Variants in BRINP1 observed in about 807,000 individuals in gnomAD.
The protein encoded by BRINP1 is BMP/retinoic acid inducible neural specific 1.
Under a neutral mutation model 72.9 loss-of-function variants are expected in BRINP1, and 17 were observed. That is an observed-to-expected ratio of 0.23 (90% CI 0.16 to 0.35). The LOEUF (loss-of-function observed/expected upper bound fraction) is 0.35, where lower values mean the gene tolerates loss of function less well. Ranked by LOEUF, BRINP1 falls within the 10% of genes least tolerant of loss-of-function variation. The probability of loss-of-function intolerance (pLI) is 1.00; values close to 1 mark genes in which losing one functional copy is unlikely to be tolerated. For missense variants in BRINP1, 850 were observed against 1,001.6 expected (o/e 0.85, Z 2.04); for synonymous variants, 418 against 378.5 (o/e 1.10, Z -1.21).
intron 7 of BRINP1, among the ~76,000 whole-genome samples, chr9:119,189,588 C>A (rs920244340): frequency 3.3e-5 from 5 of 151,930 alleles, no homozygotes; most frequent in Admixed American, 1.3e-4. Flanking sequence ...CATTGTATAA[C>A]AATAAAAGCA....
In BRINP1 at chr9:119,181,119, G is replaced by A. The variant is rs553911700; in HGVS notation, c.1146-12895C>T. ...GTGCTGAAGACAAGTGAAGGAAGGC[G>A]CCCGGAGCTTCTCAAGGGTGACAGA... On this transcript the variant is annotated intron_variant, in intron 7 of 7. Transcript: ENST00000265922. Among the ~76,000 whole-genome samples the A allele has an allele frequency of 4.6e-5, 7 of 152,152 alleles. No individual in the cohort carries two copies. The East Asian group carries it at 7.7e-4, about 17-fold the overall frequency.
At chr9:119,338,111 G>A (rs750239820) in intron 1 of BRINP1, among the ~76,000 whole-genome samples, 1 of 152,188 alleles carries the variant, frequency 6.6e-6, no homozygotes, top group Admixed American at 6.5e-5. Flanking sequence ...ATGATGCAGG[G>A]AGGAGTGTTG....
chr9:119,311,303 A>C (rs942465295), intron 2 of BRINP1, among the ~76,000 whole-genome samples: 1 of 152,200 alleles, frequency 6.6e-6, no homozygotes, highest in Non-Finnish European at 1.5e-5. Context: ...TTTAATTAAC[A>C]ATTTGACTTT....
intron 1 of BRINP1, among the ~76,000 whole-genome samples, chr9:119,328,650 C>T (rs1831263133): frequency 6.6e-6 from 1 of 152,134 alleles, no homozygotes; most frequent in African/African-American, 2.4e-5. Flanking sequence ...GAGCCATAGG[C>T]TGATAACGGA....
At chr9:119,222,243 A>G (rs531533939) in intron 5 of BRINP1, among the ~76,000 whole-genome samples, 22 of 152,242 alleles carry the variant, frequency 1.4e-4, no homozygotes, top group Admixed American at 3.3e-4. Context: ...ACTTTGGCAA[A>G]TCACTGAGAT....
At chr9:119,254,226 G>T (rs1830423255) in intron 2 of BRINP1, among the ~76,000 whole-genome samples, 1 of 152,114 alleles carries the variant, frequency 6.6e-6, no homozygotes, top group Non-Finnish European at 1.5e-5. Flanking sequence ...AGATAACAAA[G>T]AAACAAATAT....
At chr9:119,247,657 C>CAAA (rs3983912) in intron 3 of BRINP1, among the ~76,000 whole-genome samples, 2 of 73,010 alleles carry the variant, frequency 2.7e-5, no homozygotes, top group African/African-American at 1.1e-4. Context: ...GACTCCGTCT[C>CAAA]AAAAAAAAAA....
At chr9:119,231,401 T>C (rs1039563892) in intron 5 of BRINP1, among the ~76,000 whole-genome samples, 1 of 152,084 alleles carries the variant, frequency 6.6e-6, no homozygotes, top group Non-Finnish European at 1.5e-5. Flanking sequence ...CAGTATCAAT[T>C]TTTCCCTCTC....
intron 7 of BRINP1, among the ~76,000 whole-genome samples, chr9:119,181,597 T>G (rs1198650302): frequency 6.6e-6 from 1 of 152,200 alleles, no homozygotes; most frequent in East Asian, 1.9e-4. Flanking sequence ...TAACCATGAT[T>G]GTTACTGAGG....
chr9:119,348,165 T>C lies in BRINP1; in HGVS notation c.-51+20891A>G, dbSNP rs148029337. On this transcript the variant is annotated intron_variant, in intron 1 of 7. Coordinates refer to ENST00000265922, the MANE Select transcript of BRINP1 (RefSeq NM_014618.3). The stretch of plus-strand genomic sequence containing the variant: ...TCTCCCTTGATAACTACTGATCTTA[T>C]CAGTATCTCCATAGTTTTGCCTTTT... Among the ~76,000 whole-genome samples, 137 of 152,326 alleles carry C rather than the reference T, an allele frequency of 9.0e-4. 4 individuals are homozygous for C. In the East Asian group the frequency reaches 0.025, roughly 28 times the overall value.
At chr9:119,186,118 G>A (rs1187081506) in intron 7 of BRINP1, among the ~76,000 whole-genome samples, 2 of 152,098 alleles carry the variant, frequency 1.3e-5, no homozygotes, top group Non-Finnish European at 2.9e-5. Flanking sequence ...GGCACTGCCT[G>A]GGCTCAGATG....
At position 119,321,342 on chromosome 9, in the gene BRINP1, T is replaced by C. The variant is rs2416698; in HGVS notation, c.-50-7937A>G. On this transcript the variant is annotated intron_variant, in intron 1 of 7. Transcript: ENST00000265922. ...ACAGCAGATTTAGAACTGGAGACTG[T>C]GCTGCCCAGTTTGGAAGCCCCTGGT... 3.2e-3 allele frequency among the ~76,000 whole-genome samples: 494 copies of C among 152,322 alleles called. 8 individuals are homozygous for C. Among genetic ancestry groups the C allele is most frequent in the Admixed American group, 0.031 (471 of 15,304 alleles).
intron 1 of BRINP1, among the ~76,000 whole-genome samples, chr9:119,359,115 G>C (rs1050965717): frequency 6.6e-6 from 1 of 152,204 alleles, no homozygotes; most frequent in African/African-American, 2.4e-5. Flanking sequence ...ATATAGTGTT[G>C]ATGATCTGCC....
At chr9:119,288,868 T>C (rs990959222) in intron 2 of BRINP1, among the ~76,000 whole-genome samples, 3 of 152,212 alleles carry the variant, frequency 2.0e-5, no homozygotes, top group African/African-American at 7.2e-5. Context: ...CAATCTTGGC[T>C]CACTGCAACC....
intron 7 of BRINP1, among the ~76,000 whole-genome samples, chr9:119,170,606 G>A (rs1172652535): frequency 4.0e-5 from 6 of 150,044 alleles, no homozygotes; most frequent in South Asian, 2.1e-4. Context: ...GCAGGCCAAC[G>A]TTCAGATTCA....
intron 1 of BRINP1, among the ~76,000 whole-genome samples, chr9:119,365,665 T>C (rs1284789415): frequency 6.6e-6 from 1 of 152,108 alleles, no homozygotes; most frequent in Non-Finnish European, 1.5e-5. Context: ...TTGCAAGCAC[T>C]AAGAAAGAGA....
At chr9:119,244,872 C>T (rs1267689247) in intron 3 of BRINP1, among the ~76,000 whole-genome samples, 1 of 152,154 alleles carries the variant, frequency 6.6e-6, no homozygotes, top group Non-Finnish European at 1.5e-5. Flanking sequence ...ACTGCAGCAC[C>T]TTGTTTCAGA....
intron 2 of BRINP1, among the ~76,000 whole-genome samples, chr9:119,274,842 A>T (rs1044075072): frequency 6.6e-6 from 1 of 152,200 alleles, no homozygotes; most frequent in Non-Finnish European, 1.5e-5. Flanking sequence ...GGATCTTCTA[A>T]TTAAGGTATA....
rs1224149977 is a variant in BRINP1 at position 119,173,318 on chromosome 9, A to T, written c.1146-5094T>A. Among the ~76,000 whole-genome samples, 3 of 148,010 alleles carry T rather than the reference A, an allele frequency of 2.0e-5. No individual in the cohort carries two copies. The Admixed American group carries it at 2.0e-4, about 10-fold the overall frequency. On this transcript the variant is annotated intron_variant, in intron 7 of 7. Transcript: ENST00000265922. The stretch of plus-strand genomic sequence containing the variant: ...ACAAAATCAATGTACAAAAATCACA[A>T]GCATTCTTATACACCAACAACAGAC...
Sources: allele counts gnomAD v4.1 joint callset (sites outside exome capture counted in the v4.1 genomes callset), GRCh38; gene constraint gnomAD v4.1.1; transcripts MANE v1.5; gene names NCBI Gene and HGNC (gene_info 2026-07-23, HGNC 2026-07-21).